The following FSTL5 variants were observed in gnomAD, a reference collection of about 807,000 sequenced individuals.
FSTL5 encodes the protein follistatin like 5.
A neutral mutation model predicts 89.1 loss-of-function variants in FSTL5; 62 were observed. The ratio of observed to expected loss-of-function variants is 0.70; its 90% CI spans 0.57 to 0.86. The LOEUF (loss-of-function observed/expected upper bound fraction) is 0.86, where lower values mean the gene tolerates loss of function less well. Ranked by LOEUF, FSTL5 falls within the 40% of genes least tolerant of loss-of-function variation. FSTL5 has a pLI of 0.00. For synonymous variants in FSTL5, 383 were observed against 346.2 expected, an observed-to-expected ratio of 1.11 and a Z score of -1.18; for missense variants, 1,057 against 1,001.6, an observed-to-expected ratio of 1.06 and a Z score of -0.75.
Position 161,455,138 on chromosome 4 carries a change from A to C in FSTL5, c.1717-10T>G, listed in dbSNP as rs1274320582. On this transcript the variant is annotated splice_polypyrimidine_tract_variant and intron_variant, in intron 14 of 15. Coordinates refer to ENST00000306100, the MANE Select transcript of FSTL5 (RefSeq NM_020116.5). ...TGGCCAGGGTAATTACCTAAAGAGA[A>C]CACACCTTGGTTAGACCTCAACAAT... 6.3e-7 allele frequency: 1 copy of C among 1,593,710 alleles called. No individual in the cohort carries two copies. Among genetic ancestry groups the C allele is most frequent in the Non-Finnish European group, 8.5e-7 (1 of 1,172,112 alleles).
intron 8 of FSTL5, among the ~76,000 whole-genome samples, chr4:161,566,261 T>A (rs1405043654): frequency 6.6e-6 from 1 of 150,922 alleles, no homozygotes; most frequent in African/African-American, 2.4e-5. Context: ...AACTCAGAAA[T>A]GGAAAACAAA....
chr4:161,902,682 C>A (rs1453184760), intron 4 of FSTL5, among the ~76,000 whole-genome samples: 1 of 151,946 alleles, frequency 6.6e-6, no homozygotes, highest in Non-Finnish European at 1.5e-5. Flanking sequence ...CCTGTCTCTA[C>A]TAAAAATACA....
At chr4:161,714,595 C>T (rs1303993763) in intron 6 of FSTL5, among the ~76,000 whole-genome samples, 2 of 152,198 alleles carry the variant, frequency 1.3e-5, no homozygotes, top group Non-Finnish European at 2.9e-5. Context: ...ATCCTTGCTT[C>T]CTACTTTCAG....
intron 2 of FSTL5, among the ~76,000 whole-genome samples, chr4:162,094,768 T>C (rs932937568): frequency 1.3e-5 from 2 of 152,142 alleles, no homozygotes; most frequent in African/African-American, 4.8e-5. Context: ...AGTAAACTTC[T>C]GAATTACAGG....
chr4:161,666,848 C>T (rs1217936468), intron 6 of FSTL5, among the ~76,000 whole-genome samples: 2 of 151,946 alleles, frequency 1.3e-5, no homozygotes, highest in African/African-American at 4.8e-5. Flanking sequence ...CAAATAAAAG[C>T]ATTTAGCTAC....
chr4:161,977,623 A>T (rs867776680), intron 3 of FSTL5, among the ~76,000 whole-genome samples: 2 of 74,752 alleles, frequency 2.7e-5, no homozygotes, highest in African/African-American at 1.4e-4. Context: ...AAAAAAAAAA[A>T]AAAAAAAAAA....
intron 13 of FSTL5, among the ~76,000 whole-genome samples, chr4:161,478,307 G>T (rs1412841586): frequency 6.6e-6 from 1 of 152,028 alleles, no homozygotes; most frequent in Non-Finnish European, 1.5e-5. Context: ...ACTGAATACT[G>T]ATTTCATAAA....
At chr4:161,554,803 C>G (rs1458643570) in intron 8 of FSTL5, among the ~76,000 whole-genome samples, 4 of 151,662 alleles carry the variant, frequency 2.6e-5, no homozygotes, top group Non-Finnish European at 5.9e-5. Context: ...GTAGTGCTGA[C>G]TCACAGCGGC....
chr4:161,397,898 C>A (rs2110895811), intron 15 of FSTL5, among the ~76,000 whole-genome samples: 1 of 151,976 alleles, frequency 6.6e-6, no homozygotes, highest in East Asian at 1.9e-4. Context: ...CTATAAACAT[C>A]AGAAGATTCA....
intron 5 of FSTL5, among the ~76,000 whole-genome samples, chr4:161,768,973 C>T (rs1741112370): frequency 1.3e-5 from 2 of 151,272 alleles, no homozygotes; most frequent in East Asian, 2.0e-4. Context: ...GGAAAGAAAA[C>T]CAAAATAAAT....
intron 3 of FSTL5, among the ~76,000 whole-genome samples, chr4:161,967,567 A>G (rs1340110667): frequency 6.6e-6 from 1 of 151,946 alleles, no homozygotes; most frequent in Non-Finnish European, 1.5e-5. Flanking sequence ...ATAACTTTGT[A>G]AGTTGTTGAT....
intron 6 of FSTL5, among the ~76,000 whole-genome samples, chr4:161,699,884 ATGT>A (rs751872805): frequency 5.9e-5 from 9 of 152,158 alleles, no homozygotes; most frequent in Non-Finnish European, 1.3e-4. Flanking sequence ...TTTATGTTCC[ATGT>A]TGTTTTTAAA....
chr4:161,867,079 G>A (rs1047606330), intron 4 of FSTL5, among the ~76,000 whole-genome samples: 19 of 152,026 alleles, frequency 1.2e-4, no homozygotes, highest in Admixed American at 2.6e-4. Flanking sequence ...AAAATAGAAT[G>A]ATATATTCAG....
At chr4:161,936,050 C>G (rs1300281515) in intron 3 of FSTL5, among the ~76,000 whole-genome samples, 3 of 152,014 alleles carry the variant, frequency 2.0e-5, no homozygotes, top group African/African-American at 7.2e-5. Context: ...GGGCCTGGAT[C>G]ATGCATGTAA....
intron 3 of FSTL5, among the ~76,000 whole-genome samples, chr4:161,958,303 G>A (rs1735079084): frequency 6.6e-6 from 1 of 151,924 alleles, no homozygotes; most frequent in South Asian, 2.1e-4. Context: ...TATCATTGCT[G>A]TCATGTCTAT....
At chr4:162,131,462 C>G (rs1732299362) in intron 1 of FSTL5, among the ~76,000 whole-genome samples, 1 of 152,186 alleles carries the variant, frequency 6.6e-6, no homozygotes, top group South Asian at 2.1e-4. Flanking sequence ...GTTCATTGAT[C>G]ATTTCTAAAA....
chr4:161,733,977 T>C (rs1197963938), intron 6 of FSTL5, among the ~76,000 whole-genome samples: 2 of 151,992 alleles, frequency 1.3e-5, no homozygotes, highest in Non-Finnish European at 2.9e-5. Context: ...ATATACAGAA[T>C]TTTTTTCTTT....
chr4:161,871,827 T>A (rs1732271662), intron 4 of FSTL5, among the ~76,000 whole-genome samples: 1 of 152,092 alleles, frequency 6.6e-6, no homozygotes, highest in Non-Finnish European at 1.5e-5. Flanking sequence ...AGGGAATAAA[T>A]TTTACCATAC....
rs1184161610 is a variant in FSTL5, at chr4:161,476,195, TTG to T, written c.1608+4823_1608+4824del. Among the ~76,000 whole-genome samples the T allele has an allele frequency of 1.3e-3, 176 of 134,504 alleles. 11 individuals carry two copies. The highest frequency in any genetic ancestry group is 8.7e-3 in the Middle Eastern group (2 of 230). 88.2% of individuals were successfully genotyped at this position (134,504 alleles called of 152,430 possible). ...CTGGTTTTTTTTTTTTTTTGTTTGT[TTG>T]TTTTTTTGAGAAAGAGTTTTGCTCT... On this transcript the variant is annotated intron_variant, in intron 13 of 15. Coordinates refer to ENST00000306100, the MANE Select transcript of FSTL5 (RefSeq NM_020116.5).
Sources: allele counts gnomAD v4.1 joint callset (sites outside exome capture counted in the v4.1 genomes callset), GRCh38; gene constraint gnomAD v4.1.1; transcripts MANE v1.5; gene names NCBI Gene and HGNC (gene_info 2026-07-23, HGNC 2026-07-21).